Variants in PAM observed in about 807,000 individuals in gnomAD.
PAM encodes the protein peptidylglycine alpha-amidating monooxygenase, also known as peptidyl-glycine alpha-amidating monooxygenase.
A neutral mutation model predicts 122.1 loss-of-function variants in PAM; 72 were observed. The ratio of observed to expected loss-of-function variants is 0.59; its 90% CI spans 0.49 to 0.72. The LOEUF is 0.72. Among genes scored for constraint, PAM ranks in the 30% least tolerant of loss-of-function variants. PAM has a pLI of 0.00. For missense variants in PAM, 1,106 were observed against 1,183.7 expected (o/e 0.93, Z 0.96); for synonymous variants, 389 against 404.4 (o/e 0.96, Z 0.46).
intron 1 of PAM, among the ~76,000 whole-genome samples, chr5:102,757,410 C>T (rs906108110): frequency 1.3e-5 from 2 of 152,166 alleles, no homozygotes; most frequent in African/African-American, 2.4e-5. Context: ...TTTGTTAAGA[C>T]ATTGCTTTCT....
intron 1 of PAM, among the ~76,000 whole-genome samples, chr5:102,835,740 AATAC>A (rs1163824777): frequency 6.6e-6 from 1 of 152,150 alleles, no homozygotes; most frequent in Non-Finnish European, 1.5e-5. Context: ...GATAGCATTG[AATAC>A]AATGAAAATA....
At chr5:102,967,148 G>A (rs1764331065) in intron 14 of PAM, among the ~76,000 whole-genome samples, 1 of 152,072 alleles carries the variant, frequency 6.6e-6, no homozygotes, top group African/African-American at 2.4e-5. Context: ...ATAGTGAGTG[G>A]TCCCTGATAA....
chr5:102,943,718 T>G (rs1243698833), intron 7 of PAM, among the ~76,000 whole-genome samples: 3 of 152,204 alleles, frequency 2.0e-5, no homozygotes, highest in Non-Finnish European at 4.4e-5. Flanking sequence ...GATTTGAACT[T>G]ACACTCTCTG....
chr5:102,911,986 A>G (rs146648762), intron 4 of PAM, among the ~76,000 whole-genome samples: 170 of 152,124 alleles, frequency 1.1e-3, no homozygotes, highest in Middle Eastern at 6.8e-3. Context: ...TTTCCCAAAT[A>G]TGTAATTCTC....
At chr5:102,979,032 A>T (rs1214776206) in intron 15 of PAM, among the ~76,000 whole-genome samples, 1 of 1,766 alleles carries the variant, frequency 5.7e-4, no homozygotes, top group African/African-American at 7.5e-4. Context: ...ATTCTGCATC[A>T]CACACACACA....
chr5:102,895,182 G>A lies in PAM; in HGVS notation c.211-6174G>A, dbSNP rs116071060. On this transcript the variant is annotated intron_variant, in intron 3 of 25. Transcript: ENST00000438793. ...CACACCAAGTTCTGTCTAATTACAC[G>A]GCCTTTGAAAATACTATTTCTTACG... Among the ~76,000 whole-genome samples the A allele has an allele frequency of 7.9e-5, 12 of 151,736 alleles. No individual in the cohort carries two copies. The East Asian group carries it at 2.1e-3, about 27-fold the overall frequency.
chr5:102,997,392 CTG>C (rs1262911658), intron 16 of PAM, among the ~76,000 whole-genome samples: 1 of 151,962 alleles, frequency 6.6e-6, no homozygotes, highest in East Asian at 1.9e-4. Flanking sequence ...TGGTGTGCAC[CTG>C]TGGTCCCAGC....
At chr5:102,802,065 G>C (rs1194347624) in intron 1 of PAM, among the ~76,000 whole-genome samples, 2 of 151,832 alleles carry the variant, frequency 1.3e-5, no homozygotes, top group Non-Finnish European at 2.9e-5. Flanking sequence ...TTACAGGCGT[G>C]AGCCACCGCG....
chr5:102,826,572 T>C (rs942165093), intron 1 of PAM, among the ~76,000 whole-genome samples: 45 of 152,306 alleles, frequency 3.0e-4, no homozygotes, highest in African/African-American at 1.0e-3. Context: ...AGGACGTATT[T>C]GAGATGCACC....
At chr5:103,023,058 C>T (rs1321040663) in intron 23 of PAM, among the ~76,000 whole-genome samples, 2 of 152,058 alleles carry the variant, frequency 1.3e-5, no homozygotes, top group Non-Finnish European at 2.9e-5. Context: ...AGATAACACT[C>T]AAAATATCAG....
intron 1 of PAM, among the ~76,000 whole-genome samples, chr5:102,839,809 A>G (rs1267449605): frequency 6.6e-6 from 1 of 152,202 alleles, no homozygotes; most frequent in Non-Finnish European, 1.5e-5. Context: ...GTTTTACCAA[A>G]AATACTTAAT....
intron 1 of PAM, among the ~76,000 whole-genome samples, chr5:102,793,668 G>C (rs1762624216): frequency 1.3e-5 from 2 of 152,108 alleles, no homozygotes; most frequent in Non-Finnish European, 2.9e-5. Context: ...CAGACAAGCA[G>C]CAATATAGAA....
chr5:102,950,461 A>C (rs1758489418), intron 11 of PAM, among the ~76,000 whole-genome samples: 1 of 137,474 alleles, frequency 7.3e-6, no homozygotes, highest in Non-Finnish European at 1.6e-5. Flanking sequence ...GTCTGTCTTC[A>C]TCCTCTCTAC....
chr5:102,754,972 A>AC (rs1020422245), upstream of PAM: 1 of 151,914 alleles, frequency 6.6e-6, no homozygotes, highest in Non-Finnish European at 1.5e-5. Flanking sequence ...AGCACACGCG[A>AC]CCCCCGCAGG....
In PAM at chr5:102,793,457, G is replaced by A. The variant is rs529468225; in HGVS notation, c.-374+38109G>A. Among the ~76,000 whole-genome samples the A allele has an allele frequency of 6.6e-5, 10 of 152,276 alleles. No homozygotes were observed. The South Asian group carries it at 2.1e-3, about 32-fold the overall frequency. Reference sequence around the variant, plus strand: ...GACGTGGGAGGATTGCTTGAGCCTGGGAGGTGGAGGCTGCAGTGAGCCTGA... The same window carrying A: ...GACGTGGGAGGATTGCTTGAGCCTGAGAGGTGGAGGCTGCAGTGAGCCTGA... On this transcript the variant is annotated intron_variant, in intron 1 of 25. Transcript: ENST00000438793.
chr5:102,827,749 C>G (rs1455100360), intron 1 of PAM, among the ~76,000 whole-genome samples: 1 of 14,136 alleles, frequency 7.1e-5, no homozygotes. Context: ...TGCAGTGGCG[C>G]AATCTCGGCT....
rs528192643 is a variant in PAM, at chr5:102,782,763, TTTTA to T, written c.-374+27422_-374+27425del. ...TGTGTGTGTGTGTGTGTGTGTGTAA[TTTTA>T]TTTATTACTGGTGAAACTGGTACAG... On this transcript the variant is annotated intron_variant, in intron 1 of 25. Coordinates refer to ENST00000438793, the MANE Select transcript of PAM (RefSeq NM_001177306.2). Among the ~76,000 whole-genome samples, 9 of 144,184 alleles carry T rather than the reference TTTTA, an allele frequency of 6.2e-5. No homozygotes were observed. The East Asian group carries it at 1.6e-3, about 26-fold the overall frequency. The allele number at this position is 144,184 out of a possible 152,430, so 94.6% of individuals were successfully genotyped here.
At position 102,892,459 on chromosome 5, in the gene PAM, A is replaced by G. The variant is rs974542147; in HGVS notation, c.211-8897A>G. 2.0e-5 allele frequency among the ~76,000 whole-genome samples: 3 copies of G among 151,936 alleles called. No individual in the cohort carries two copies. In the East Asian group the frequency reaches 5.8e-4, roughly 30 times the overall value. ...GCAATTTGCAGCCAAATGCATTCTT[A>G]GTGATAGTAAACATTTTCTTAGACC... On this transcript the variant is annotated intron_variant, in intron 3 of 25. Transcript: ENST00000438793.
intron 14 of PAM, among the ~76,000 whole-genome samples, chr5:102,973,257 T>C (rs1766486044): frequency 6.6e-6 from 1 of 152,182 alleles, no homozygotes; most frequent in African/African-American, 2.4e-5. Context: ...ATTCACACAG[T>C]TGATATAAAT....
Sources: allele counts gnomAD v4.1 joint callset (sites outside exome capture counted in the v4.1 genomes callset), GRCh38; gene constraint gnomAD v4.1.1; transcripts MANE v1.5; gene names NCBI Gene and HGNC (gene_info 2026-07-23, HGNC 2026-07-21).